Variants in TGFBR1 observed in about 807,000 individuals in gnomAD.
TGFBR1 encodes TGF-beta receptor type-1.
In TGFBR1, 20 loss-of-function variants were observed where a neutral mutation model predicts 55.1. That is an observed-to-expected ratio of 0.36 (90% CI 0.26 to 0.53). TGFBR1 has a LOEUF of 0.53. Among genes scored for constraint, TGFBR1 ranks in the 20% least tolerant of loss-of-function variants. The pLI, the probability that TGFBR1 is intolerant of heterozygous loss-of-function variation, is 0.91. For synonymous variants in TGFBR1, 220 were observed against 214.8 expected (o/e 1.02, Z -0.21); for missense variants, 385 against 617.6 (o/e 0.62, Z 3.99).
intron 1 of TGFBR1, among the ~76,000 whole-genome samples, chr9:99,127,481 G>A (rs1289357141): frequency 1.3e-5 from 2 of 152,194 alleles, no homozygotes; most frequent in Non-Finnish European, 2.9e-5. Context: ...CAGGCATACA[G>A]AAATATTCTT....
intron 1 of TGFBR1, among the ~76,000 whole-genome samples, chr9:99,112,084 G>A (rs1297711573): frequency 6.6e-6 from 1 of 152,192 alleles, no homozygotes; most frequent in Non-Finnish European, 1.5e-5. Flanking sequence ...ATGGTGTAAA[G>A]GGTGGGCTCA....
Position 99,137,812 on chromosome 9 carries a change from A to G in TGFBR1, c.575-47A>G, listed in dbSNP as rs575240016. The G allele has an allele frequency of 2.7e-6, 4 of 1,505,440 alleles. No homozygotes were observed. In the South Asian group the frequency reaches 3.4e-5, roughly 13 times the overall value. The allele number at this position is 1,505,440 out of a possible 1,614,324, so 93.3% of individuals were successfully genotyped here. ...TAGTGCCTATCATGATGTTTGAAAC[A>G]TGTAATATTGTTGATTGTGTTGAGT... On this transcript the variant is annotated intron_variant, in intron 3 of 8. Coordinates refer to ENST00000374994, the MANE Select transcript of TGFBR1 (RefSeq NM_004612.4).
Position 99,149,639 on chromosome 9 carries a change from C to T in TGFBR1, c.*334C>T, listed in dbSNP as rs1000319748. Reference sequence around the variant, plus strand: ...CTGTGCTGGAGATCATCTTTAAGGGCAAAGGAGTTGGATTGCTGAATTACA... The same window carrying T: ...CTGTGCTGGAGATCATCTTTAAGGGTAAAGGAGTTGGATTGCTGAATTACA... On this transcript the variant is annotated 3_prime_UTR_variant, in exon 9 of 9. Coordinates refer to ENST00000374994, the MANE Select transcript of TGFBR1 (RefSeq NM_004612.4). 1.1e-5 allele frequency: 4 copies of T among 363,004 alleles called. No individual in the cohort carries two copies. Among genetic ancestry groups the T allele is most frequent in the South Asian group, 1.0e-4 (3 of 29,546 alleles). 22.5% of individuals were successfully genotyped at this position (363,004 alleles called of 1,614,324 possible). A position where few individuals can be genotyped will look rare whatever the true frequency, so the allele number is the denominator to read the frequency against.
intron 7 of TGFBR1, among the ~76,000 whole-genome samples, chr9:99,147,008 C>T (rs1481593715): frequency 6.6e-6 from 1 of 152,150 alleles, no homozygotes; most frequent in African/African-American, 2.4e-5. Flanking sequence ...GTTACAGTTA[C>T]ATACACAGAA....
chr9:99,118,753 C>T (rs1482042646), intron 1 of TGFBR1, among the ~76,000 whole-genome samples: 1 of 150,482 alleles, frequency 6.6e-6, no homozygotes, highest in African/African-American at 2.4e-5. Flanking sequence ...CTCAAGTGAT[C>T]CTTGTGCCCC....
intron 1 of TGFBR1, among the ~76,000 whole-genome samples, chr9:99,106,790 C>G (rs1347550806): frequency 6.6e-6 from 1 of 152,184 alleles, no homozygotes; most frequent in Non-Finnish European, 1.5e-5. Context: ...TCTTTATTAT[C>G]CACTTTGGAT....
chr9:99,136,206 TAG>T (rs1237664606), intron 3 of TGFBR1, among the ~76,000 whole-genome samples: 1 of 152,186 alleles, frequency 6.6e-6, no homozygotes, highest in Admixed American at 6.5e-5. Flanking sequence ...TAATCCAATA[TAG>T]ATAATACAGT....
At position 99,132,506 on chromosome 9, in the gene TGFBR1, C is replaced by T; in HGVS notation, c.344-3C>T. 1 of 1,613,932 alleles carries T rather than the reference C, an allele frequency of 6.2e-7. No homozygotes were observed. Among genetic ancestry groups the T allele is most frequent in the Admixed American group, 1.7e-5 (1 of 60,010 alleles). On this transcript the variant is annotated splice_region_variant and splice_polypyrimidine_tract_variant and intron_variant, in intron 2 of 8. Coordinates refer to ENST00000374994, the MANE Select transcript of TGFBR1 (RefSeq NM_004612.4). ...GTTTATTTCACTCGAGGCCCTTTTT[C>T]AGTAAAGTCATCACCTGGCCTTGGT...
chr9:99,126,300 C>T (rs148256507), intron 1 of TGFBR1, among the ~76,000 whole-genome samples: 133 of 152,294 alleles, frequency 8.7e-4, no homozygotes, highest in African/African-American at 3.0e-3. Flanking sequence ...CTTATCTCAT[C>T]AGCATAGGGG....
At chr9:99,140,217 A>C (rs940620890) in intron 4 of TGFBR1, among the ~76,000 whole-genome samples, 1 of 152,160 alleles carries the variant, frequency 6.6e-6, no homozygotes, top group Non-Finnish European at 1.5e-5. Context: ...TTGGGAAGCC[A>C]AGGTGGGTGG....
intron 1 of TGFBR1, among the ~76,000 whole-genome samples, chr9:99,120,103 T>C (rs900652252): frequency 3.3e-5 from 5 of 152,270 alleles, no homozygotes; most frequent in Non-Finnish European, 5.9e-5. Flanking sequence ...AGATTGGTAC[T>C]GTTTGTTAGT....
chr9:99,124,756 T>G (rs1403307623), intron 1 of TGFBR1, among the ~76,000 whole-genome samples: 1 of 152,182 alleles, frequency 6.6e-6, no homozygotes, highest in African/African-American at 2.4e-5. Flanking sequence ...CTTTACCTAG[T>G]TAAGCTTTGT....
At chr9:99,130,506 T>C (rs1030075435) in intron 2 of TGFBR1, among the ~76,000 whole-genome samples, 2 of 152,264 alleles carry the variant, frequency 1.3e-5, no homozygotes, top group African/African-American at 2.4e-5. Context: ...TCTGCAGTTA[T>C]AATGTGGCAA....
At chr9:99,140,269 A>T (rs1428023402) in intron 4 of TGFBR1, among the ~76,000 whole-genome samples, 1 of 152,180 alleles carries the variant, frequency 6.6e-6, no homozygotes, top group Admixed American at 6.5e-5. Flanking sequence ...GCTGGCCAAG[A>T]TGATGAAACC....
At chr9:99,135,392 T>C (rs1352348735) in intron 3 of TGFBR1, among the ~76,000 whole-genome samples, 2 of 152,236 alleles carry the variant, frequency 1.3e-5, no homozygotes, top group African/African-American at 4.8e-5. Context: ...TGTAATACTC[T>C]GTTTTTAGTT....
chr9:99,105,804 C>T (rs375183634), intron 1 of TGFBR1, among the ~76,000 whole-genome samples: 20 of 152,130 alleles, frequency 1.3e-4, no homozygotes, highest in African/African-American at 3.6e-4. Context: ...AGGCGGCTCC[C>T]GGGCGGGGTG....
chr9:99,148,802 A>G (rs915736207), intron 8 of TGFBR1, among the ~76,000 whole-genome samples: 1 of 151,708 alleles, frequency 6.6e-6, no homozygotes, highest in Non-Finnish European at 1.5e-5. Context: ...ATTGCATTCC[A>G]CTTTGGGCGG....
rs1827877432 is a variant in TGFBR1, at chr9:99,148,599, A to G, written c.1387-581A>G. On this transcript the variant is annotated intron_variant, in intron 8 of 8. Transcript: ENST00000374994. ...TAAGCAAGAGAGCTTGCTACCTCCAACAAAATCACATCTCCAGGCCCAAAT... is the reference window on the plus strand; with the variant it reads ...TAAGCAAGAGAGCTTGCTACCTCCAGCAAAATCACATCTCCAGGCCCAAAT... Among the ~76,000 whole-genome samples, 12 of 152,208 alleles carry G rather than the reference A, an allele frequency of 7.9e-5. No individual in the cohort carries two copies. In the South Asian group the frequency reaches 2.5e-3, roughly 31 times the overall value.
intron 4 of TGFBR1, among the ~76,000 whole-genome samples, chr9:99,139,900 G>A (rs1390066195): frequency 1.3e-5 from 2 of 152,092 alleles, no homozygotes; most frequent in African/African-American, 2.4e-5. Flanking sequence ...TCACATTCTG[G>A]ATTTTGCTGA....
Sources: gnomAD v4.1 joint callset for allele counts (sites outside exome capture counted in the v4.1 genomes callset) on GRCh38, gnomAD v4.1.1 for gene constraint, MANE v1.5 for transcripts, NCBI Gene and HGNC (gene_info 2026-07-23, HGNC 2026-07-21) for gene names.